WDFY4: variants seen among roughly 807,000 people sequenced by gnomAD.
The protein encoded by WDFY4 is WD repeat- and FYVE domain-containing protein 4.
Under a neutral mutation model 351.9 loss-of-function variants are expected in WDFY4, and 169 were observed. That is an observed-to-expected ratio of 0.48 (90% CI 0.42 to 0.55). The LOEUF (loss-of-function observed/expected upper bound fraction) is 0.55, where lower values mean the gene tolerates loss of function less well. Ranked by LOEUF, WDFY4 falls within the 20% of genes least tolerant of loss-of-function variation. The probability of loss-of-function intolerance (pLI) is 0.00; values close to 1 mark genes in which losing one functional copy is unlikely to be tolerated. For synonymous variants in WDFY4, 1,622 were observed against 1,574.6 expected (o/e 1.03, Z -0.71); for missense variants, 3,803 against 3,935.6 (o/e 0.97, Z 0.90).
chr10:48,823,299 G>A (rs2067890140), intron 35 of WDFY4: 5 of 1,286,134 alleles, frequency 3.9e-6, no homozygotes, highest in South Asian at 1.2e-5. Context: ...CCAGGGGGAT[G>A]TCTGTGATTC....
Position 48,946,909 on chromosome 10 carries a change from C to T in WDFY4, c.7917C>T (p.Ile2639=). 1 of 1,552,126 alleles carries T rather than the reference C, an allele frequency of 6.4e-7. No individual in the cohort carries two copies. Among genetic ancestry groups the T allele is most frequent in the South Asian group, 1.2e-5 (1 of 84,054 alleles). ...CHYYTHYSSA[I]IVASYLVRMP... is the part of the protein sequence containing the mutation. The stretch of plus-strand genomic sequence containing the variant: ...ACTACACCCACTACTCCTCGGCCAT[C>T]ATCGTGGCCTCCTACCTGGTCCGGA... The change falls in exon 51 of 62, where the codon ATC becomes ATT. Residue 2639 remains isoleucine, a synonymous_variant. Coordinates refer to ENST00000325239, the MANE Select transcript of WDFY4 (RefSeq NM_001394531.1).
chr10:48,874,395 T>G (rs1230597666), intron 41 of WDFY4, among the ~76,000 whole-genome samples: 2 of 152,242 alleles, frequency 1.3e-5, no homozygotes, highest in African/African-American at 4.8e-5. Context: ...ATTTAAAATA[T>G]CCTCAAAGGC....
chr10:48,769,584 C>T (rs2065792052), intron 13 of WDFY4, among the ~76,000 whole-genome samples: 1 of 152,180 alleles, frequency 6.6e-6, no homozygotes, highest in Non-Finnish European at 1.5e-5. Context: ...TCTGGGGCAG[C>T]AGGCACTGGG....
intron 47 of WDFY4, among the ~76,000 whole-genome samples, chr10:48,905,557 G>C (rs1837571331): frequency 6.6e-6 from 1 of 152,184 alleles, no homozygotes; most frequent in Non-Finnish European, 1.5e-5. Flanking sequence ...GCTATGCTGG[G>C]TCATTCCTGG....
intron 39 of WDFY4, among the ~76,000 whole-genome samples, chr10:48,854,181 C>G (rs2069056106): frequency 6.6e-6 from 1 of 150,524 alleles, no homozygotes; most frequent in Non-Finnish European, 1.5e-5. Context: ...GCGATCTCAG[C>G]TCACTGCAAC....
intron 39 of WDFY4, among the ~76,000 whole-genome samples, chr10:48,836,487 C>G (rs773065610): frequency 2.0e-5 from 3 of 152,190 alleles, no homozygotes. Context: ...AAACATTATT[C>G]ATTTGGTGTT....
intron 31 of WDFY4, among the ~76,000 whole-genome samples, chr10:48,815,302 G>C (rs891721464): frequency 9.2e-5 from 14 of 152,096 alleles, no homozygotes; most frequent in Admixed American, 6.5e-5. Flanking sequence ...TTCTGAGGTT[G>C]AAATCATTTT....
At chr10:48,713,019 A>G (rs1192331941) in intron 2 of WDFY4, among the ~76,000 whole-genome samples, 6 of 152,236 alleles carry the variant, frequency 3.9e-5, no homozygotes, top group Middle Eastern at 3.2e-3. Flanking sequence ...AAGAAAATTA[A>G]TTAAGATTAT....
At chr10:48,900,102 C>A in intron 45 of WDFY4, 119 bp from the exon 46 acceptor site, 1 of 835,768 alleles carries the variant, frequency 1.2e-6, no homozygotes, top group Non-Finnish European at 1.9e-6. Flanking sequence ...AAAAGGACGA[C>A]CCAGGAAGGG....
chr10:48,717,693 A>G (rs775810902), intron 2 of WDFY4, among the ~76,000 whole-genome samples: 19 of 152,198 alleles, frequency 1.2e-4, no homozygotes, highest in Non-Finnish European at 2.5e-4. Flanking sequence ...TTTTCCAGTC[A>G]ACATTCTATT....
chr10:48,918,421 G>A (rs1227439446), intron 47 of WDFY4, among the ~76,000 whole-genome samples: 1 of 152,180 alleles, frequency 6.6e-6, no homozygotes, highest in African/African-American at 2.4e-5. Context: ...GAAGGATGTA[G>A]TGACTTTATT....
intron 43 of WDFY4, chr10:48,878,129 G>A (rs1464197343): frequency 2.0e-5 from 3 of 152,502 alleles, no homozygotes; most frequent in African/African-American, 7.2e-5. Context: ...CATCAAAGGT[G>A]AGTTGTTTTC....
chr10:48,940,171 A>G (rs1159651362), intron 47 of WDFY4, among the ~76,000 whole-genome samples: 1 of 152,218 alleles, frequency 6.6e-6, no homozygotes, highest in African/African-American at 2.4e-5. Context: ...GCCCTTGCCT[A>G]TAGCCTTAAG....
intron 55 of WDFY4, chr10:48,968,684 G>A (rs934007598): frequency 1.2e-5 from 3 of 252,544 alleles, no homozygotes; most frequent in Admixed American, 9.6e-5. Context: ...AAGAGGCTAG[G>A]GTCTGAAGAG....
intron 35 of WDFY4, chr10:48,824,123 CCTCT>C (rs2067918171): frequency 1.0e-6 from 1 of 985,414 alleles, no homozygotes; most frequent in South Asian, 4.7e-5. Flanking sequence ...TCTACTTCTC[CCTCT>C]AAGTTTCTTT....
At chr10:48,863,943 C>T (rs1455179940) in intron 39 of WDFY4, among the ~76,000 whole-genome samples, 1 of 152,020 alleles carries the variant, frequency 6.6e-6, no homozygotes, top group Non-Finnish European at 1.5e-5. Context: ...CATCAGATCT[C>T]GTTAGAACTC....
intron 47 of WDFY4, among the ~76,000 whole-genome samples, chr10:48,936,604 G>A (rs928109755): frequency 4.1e-5 from 5 of 121,958 alleles, no homozygotes; most frequent in South Asian, 3.0e-4. Context: ...TTCGGAGGCC[G>A]AAGAGGGTGG....
rs1037991358 is a variant in WDFY4 at position 48,792,808 on chromosome 10, C to T, written c.4257+1891C>T. Among the ~76,000 whole-genome samples, 3 of 152,262 alleles carry T rather than the reference C, an allele frequency of 2.0e-5. No individual in the cohort carries two copies. The South Asian group carries it at 6.2e-4, about 32-fold the overall frequency. On this transcript the variant is annotated intron_variant, in intron 23 of 61. Coordinates refer to ENST00000325239, the MANE Select transcript of WDFY4 (RefSeq NM_001394531.1). ...GGCTACCTGGCTATCTTCCCAGAAA[C>T]TCTGAGCTTCTCAGAAAGCTCAGAC...
intron 3 of WDFY4, 59 bp from the exon 4 acceptor site, chr10:48,721,202 T>G: frequency 6.7e-7 from 1 of 1,491,234 alleles, no homozygotes; most frequent in African/African-American, 1.4e-5. Flanking sequence ...GGGCCCTGGA[T>G]GGAGGGGAAG....
Sources: allele counts gnomAD v4.1 joint callset (sites outside exome capture counted in the v4.1 genomes callset), GRCh38; gene constraint gnomAD v4.1.1; transcripts MANE v1.5; gene names NCBI Gene and HGNC (gene_info 2026-07-23, HGNC 2026-07-21).